Variants in GRIK4 observed in about 807,000 individuals in gnomAD.
GRIK4 encodes glutamate ionotropic receptor kainate type subunit 4.
Under a neutral mutation model 104.9 loss-of-function variants are expected in GRIK4, and 40 were observed. The observed-to-expected ratio is 0.38, with a 90% CI of 0.30 to 0.50. The LOEUF (loss-of-function observed/expected upper bound fraction) is 0.50. GRIK4 is among the 20% of genes least tolerant of loss of function. GRIK4 has a pLI of 0.93. For synonymous variants in GRIK4, 485 were observed against 524.9 expected, an observed-to-expected ratio of 0.92 and a Z score of 1.04; for missense variants, 1,047 against 1,308.1, an observed-to-expected ratio of 0.80 and a Z score of 3.08.
chr11:120,794,379 A>G (rs1952469597), intron 3 of GRIK4, among the ~76,000 whole-genome samples: 1 of 151,918 alleles, frequency 6.6e-6, no homozygotes, highest in African/African-American at 2.4e-5. Flanking sequence ...GAGTCAGGTG[A>G]TGGTTAGAGG....
At chr11:120,747,528 AG>A (rs1951466584) in intron 3 of GRIK4, among the ~76,000 whole-genome samples, 1 of 152,206 alleles carries the variant, frequency 6.6e-6, no homozygotes, top group African/African-American at 2.4e-5. Flanking sequence ...AGGAGTGTTA[AG>A]GTAGTTTGAG....
chr11:120,973,295 G>A (rs1032727194), intron 19 of GRIK4, among the ~76,000 whole-genome samples: 11 of 152,178 alleles, frequency 7.2e-5, no homozygotes, highest in Non-Finnish European at 7.4e-5. Flanking sequence ...AGGGAGAAGG[G>A]AGGCAGAAAG....
At chr11:120,959,386 G>A (rs1019742287) in intron 16 of GRIK4, among the ~76,000 whole-genome samples, 2 of 151,856 alleles carry the variant, frequency 1.3e-5, no homozygotes, top group Non-Finnish European at 2.9e-5. Context: ...AATGGCAAAA[G>A]GGGCAATGGG....
intron 8 of GRIK4, among the ~76,000 whole-genome samples, chr11:120,845,076 G>T (rs1323530495): frequency 6.6e-6 from 1 of 152,166 alleles, no homozygotes; most frequent in Non-Finnish European, 1.5e-5. Context: ...GTCTTTAGAA[G>T]AAACCTCTCC....
chr11:120,517,533 G>A (rs990462098), intron 1 of GRIK4, among the ~76,000 whole-genome samples: 3 of 148,936 alleles, frequency 2.0e-5, no homozygotes, highest in African/African-American at 7.6e-5. Context: ...GGAGAGCAGG[G>A]AGACCCAAGT....
At chr11:120,614,364 C>T (rs1022070565) in intron 1 of GRIK4, among the ~76,000 whole-genome samples, 5 of 152,208 alleles carry the variant, frequency 3.3e-5, no homozygotes, top group Non-Finnish European at 7.3e-5. Context: ...CACTGGGGCA[C>T]AGTGGGAGAG....
chr11:120,585,489 C>T (rs1948648458), intron 1 of GRIK4, among the ~76,000 whole-genome samples: 2 of 152,072 alleles, frequency 1.3e-5, no homozygotes, highest in Admixed American at 6.6e-5. Context: ...GCTGGGATTA[C>T]AGGTGTGAGC....
intron 14 of GRIK4, among the ~76,000 whole-genome samples, chr11:120,941,219 A>G (rs1168818097): frequency 6.6e-6 from 1 of 152,324 alleles, no homozygotes; most frequent in East Asian, 1.9e-4. Flanking sequence ...AACTGGCTCT[A>G]AGTGCAGAGC....
intron 13 of GRIK4, among the ~76,000 whole-genome samples, chr11:120,924,284 G>T (rs1943291502): frequency 6.6e-6 from 1 of 152,156 alleles, no homozygotes; most frequent in Non-Finnish European, 1.5e-5. Context: ...CCTTGCGTGT[G>T]TGAGGTCACC....
chr11:120,857,908 C>T (rs1162389297), intron 8 of GRIK4, among the ~76,000 whole-genome samples: 2 of 152,186 alleles, frequency 1.3e-5, no homozygotes, highest in Non-Finnish European at 2.9e-5. Flanking sequence ...ACATGGGGTC[C>T]ATCACAAAGC....
chr11:120,946,374 G>A (rs1205730929), intron 14 of GRIK4, among the ~76,000 whole-genome samples: 2 of 152,114 alleles, frequency 1.3e-5, no homozygotes, highest in South Asian at 2.1e-4. Context: ...TAAACAGTTC[G>A]TTGTTGCTGG....
intron 8 of GRIK4, among the ~76,000 whole-genome samples, chr11:120,840,050 G>A (rs547774136): frequency 2.6e-5 from 4 of 152,270 alleles, no homozygotes; most frequent in South Asian, 2.1e-4. Flanking sequence ...GAGGCTGCTC[G>A]GGGGTCACAC....
At chr11:120,652,071 CTT>C (rs1272606501) in intron 1 of GRIK4, among the ~76,000 whole-genome samples, 1 of 152,202 alleles carries the variant, frequency 6.6e-6, no homozygotes, top group East Asian at 1.9e-4. Flanking sequence ...ACCTCTCCGC[CTT>C]TGAGTTCCAG....
At chr11:120,633,831 AT>A (rs1949362635) in intron 1 of GRIK4, among the ~76,000 whole-genome samples, 1 of 151,880 alleles carries the variant, frequency 6.6e-6, no homozygotes, top group South Asian at 2.1e-4. Flanking sequence ...GGGCATGGAG[AT>A]TTTTTGAGAT....
At chr11:120,572,507 C>T (rs180995368) in intron 1 of GRIK4, among the ~76,000 whole-genome samples, 1 of 152,244 alleles carries the variant, frequency 6.6e-6, no homozygotes, top group East Asian at 1.9e-4. Context: ...CTGTCTCCTT[C>T]GCAGGCTGTC....
At chr11:120,595,782 G>A (rs1309333968) in intron 1 of GRIK4, among the ~76,000 whole-genome samples, 2 of 152,154 alleles carry the variant, frequency 1.3e-5, no homozygotes, top group Non-Finnish European at 1.5e-5. Flanking sequence ...GTGCCCTGGG[G>A]ACACTGCTCT....
At position 120,794,242 on chromosome 11, in the gene GRIK4, A is replaced by G. The variant is rs188771212; in HGVS notation, c.83-8451A>G. Among the ~76,000 whole-genome samples the G allele has an allele frequency of 5.7e-3, 682 of 120,096 alleles. 6 individuals carry two copies. The highest frequency in any genetic ancestry group is 8.2e-3 in the Non-Finnish European group (463 of 56,758). 78.8% of individuals were successfully genotyped at this position (120,096 alleles called of 152,430 possible). ...AGGGAAGTTGTTAGGGTTGAGAGCC[A>G]GGCGATGGTTAGCGGTGAGGGGAGG... On this transcript the variant is annotated intron_variant, in intron 3 of 20. Coordinates refer to ENST00000527524, the MANE Select transcript of GRIK4 (RefSeq NM_014619.5).
At chr11:120,640,128 G>A (rs1314048381) in intron 1 of GRIK4, among the ~76,000 whole-genome samples, 1 of 152,210 alleles carries the variant, frequency 6.6e-6, no homozygotes, top group Non-Finnish European at 1.5e-5. Flanking sequence ...AGTCCATAGA[G>A]TAGCGTGAAA....
At position 120,739,480 on chromosome 11, in the gene GRIK4, TG is replaced by T. The variant is rs538751861; in HGVS notation, c.83-63212del. Among the ~76,000 whole-genome samples, 12 of 152,278 alleles carry T rather than the reference TG, an allele frequency of 7.9e-5. No individual in the cohort carries two copies. The East Asian group carries it at 2.3e-3, about 29-fold the overall frequency. The stretch of plus-strand genomic sequence containing the variant: ...CAGAGCTCCCTTGGAGGTGAGAGTC[TG>T]TACATTAGGACTGCTCACTGCCCAA... On this transcript the variant is annotated intron_variant, in intron 3 of 20. Transcript: ENST00000527524.
Sources: gnomAD v4.1 joint callset for allele counts (sites outside exome capture counted in the v4.1 genomes callset) on GRCh38, gnomAD v4.1.1 for gene constraint, MANE v1.5 for transcripts, NCBI Gene and HGNC (gene_info 2026-07-23, HGNC 2026-07-21) for gene names.